Variants in ZNF236 observed in about 807,000 individuals in gnomAD.
ZNF236 encodes regulated by glucose.
A neutral mutation model predicts 191.2 loss-of-function variants in ZNF236; 50 were observed. The observed-to-expected ratio is 0.26, with a 90% CI of 0.21 to 0.33. The LOEUF is 0.33. Ranked by LOEUF, ZNF236 falls within the 10% of genes least tolerant of loss-of-function variation. The pLI is 1.00. For missense variants in ZNF236, 1,754 were observed against 2,374.5 expected, an observed-to-expected ratio of 0.74 and a Z score of 5.43; for synonymous variants, 907 against 928.8, an observed-to-expected ratio of 0.98 and a Z score of 0.43.
intron 19 of ZNF236, among the ~76,000 whole-genome samples, chr18:76,916,092 T>C (rs1967356368): frequency 1.3e-5 from 2 of 152,236 alleles, no homozygotes; most frequent in Admixed American, 1.3e-4. Context: ...ACGCGCTGAA[T>C]TGGCATTCAC....
Position 76,876,440 on chromosome 18 carries a change from T to C in ZNF236, c.840+776T>C, listed in dbSNP as rs908092144. 2.6e-5 allele frequency among the ~76,000 whole-genome samples: 4 copies of C among 152,190 alleles called. No homozygotes were observed. In the East Asian group the frequency reaches 7.7e-4, roughly 29 times the overall value. ...CTTAGAATAATACCTTAACTAACAC[T>C]GAAGTGAACTTAGAGTTAATACTCA... On this transcript the variant is annotated intron_variant, in intron 6 of 30. Coordinates refer to ENST00000320610, the MANE Select transcript of ZNF236 (RefSeq NM_001306089.2).
Position 76,947,589 on chromosome 18 carries a change from A to G in ZNF236, c.4851A>G (p.Gln1617=), listed in dbSNP as rs1315338147. The change falls in exon 27 of 31, where the codon CAA becomes CAG. Residue 1617 remains glutamine, a synonymous_variant. Coordinates refer to ENST00000320610, the MANE Select transcript of ZNF236 (RefSeq NM_001306089.2). The part of the protein sequence containing the change: ...LSGQGGAGSP[Q]VILVSHTPQS... ...GCCAGGGTGGAGCAGGCTCGCCGCA[A>G]GTCATACTAGTGAGCCACACGCCAC... 2.5e-6 allele frequency: 4 copies of G among 1,613,970 alleles called. No homozygotes were observed. Among genetic ancestry groups the G allele is most frequent in the East Asian group, 2.2e-5 (1 of 44,884 alleles).
intron 20 of ZNF236, among the ~76,000 whole-genome samples, chr18:76,921,872 A>G (rs1967546489): frequency 6.8e-6 from 1 of 146,814 alleles, no homozygotes; most frequent in Admixed American, 7.1e-5. Flanking sequence ...TTCTTGTCCT[A>G]TCCTTCATTT....
intron 27 of ZNF236, among the ~76,000 whole-genome samples, chr18:76,952,577 G>C (rs888217368): frequency 1.3e-5 from 2 of 152,158 alleles, no homozygotes; most frequent in African/African-American, 4.8e-5. Flanking sequence ...GGTGATGTCT[G>C]TGCATCCCTG....
At chr18:76,928,725 C>T (rs1261883585) in intron 25 of ZNF236, among the ~76,000 whole-genome samples, 2 of 152,070 alleles carry the variant, frequency 1.3e-5, no homozygotes, top group Admixed American at 6.6e-5. Flanking sequence ...CCTTACGTAT[C>T]ATTAATTCCC....
rs756858019 is a variant in ZNF236 at position 76,851,807 on chromosome 18, T to C, written c.231T>C (p.Phe77=). The change falls in exon 3 of 31, where the codon TTT becomes TTC. Residue 77 remains phenylalanine (F), a synonymous_variant. Coordinates refer to ENST00000320610, the MANE Select transcript of ZNF236 (RefSeq NM_001306089.2). ...PHRCDQCPQT[F]NVEFNLTLHK... Reference sequence around the variant, plus strand: ...GATGTGACCAGTGCCCCCAAACATTTAATGTTGAATTCAACCTGACACTTC... The same window carrying C: ...GATGTGACCAGTGCCCCCAAACATTCAATGTTGAATTCAACCTGACACTTC... The C allele has an allele frequency of 1.2e-6, 2 of 1,613,934 alleles. No homozygotes were observed. Among genetic ancestry groups the C allele is most frequent in the South Asian group, 2.2e-5 (2 of 90,968 alleles).
At chr18:76,923,941 G>A (rs1179218754) in intron 21 of ZNF236, among the ~76,000 whole-genome samples, 1 of 152,186 alleles carries the variant, frequency 6.6e-6, no homozygotes, top group Non-Finnish European at 1.5e-5. Context: ...CAGAGCTGTT[G>A]TTATAATGAT....
At position 76,915,631 on chromosome 18, in the gene ZNF236, G is replaced by C. The variant is rs377028982; in HGVS notation, c.3062-16G>C. On this transcript the variant is annotated splice_polypyrimidine_tract_variant and intron_variant, in intron 18 of 30. Coordinates refer to ENST00000320610, the MANE Select transcript of ZNF236 (RefSeq NM_001306089.2). Reference sequence around the variant, plus strand: ...AGGATTGGTTCCAGCCGTTTTTTCTGTTTCTGTGCTTGCAGGAGTGAAGGC... The same window carrying C: ...AGGATTGGTTCCAGCCGTTTTTTCTCTTTCTGTGCTTGCAGGAGTGAAGGC... 3 of 1,610,466 alleles carry C rather than the reference G, an allele frequency of 1.9e-6. No individual in the cohort carries two copies. In the African/African-American group the frequency reaches 4.0e-5, roughly 22 times the overall value.
chr18:76,891,348 C>T (rs1433001070), intron 9 of ZNF236, among the ~76,000 whole-genome samples: 2 of 152,090 alleles, frequency 1.3e-5, no homozygotes, highest in East Asian at 3.8e-4. Flanking sequence ...GAAAGATAAC[C>T]TCTTCTCTTA....
At chr18:76,850,548 TAGA>T (rs922028668) in intron 2 of ZNF236, among the ~76,000 whole-genome samples, 37 of 152,272 alleles carry the variant, frequency 2.4e-4, no homozygotes, top group African/African-American at 8.2e-4. Context: ...ATCTTAGACC[TAGA>T]TAAGCAAACT....
At chr18:76,963,343 T>C (rs1201042025) in intron 30 of ZNF236, among the ~76,000 whole-genome samples, 10 of 152,244 alleles carry the variant, frequency 6.6e-5, no homozygotes, top group Non-Finnish European at 1.5e-4. Context: ...ATGTGGTTTT[T>C]GTTTTTAATT....
chr18:76,876,544 C>G (rs1299030365), intron 6 of ZNF236, among the ~76,000 whole-genome samples: 1 of 152,076 alleles, frequency 6.6e-6, no homozygotes, highest in Non-Finnish European at 1.5e-5. Context: ...AAAAGAGAAT[C>G]TAAAATGAGA....
At chr18:76,826,626 A>T (rs1173262577) in intron 1 of ZNF236, among the ~76,000 whole-genome samples, 1 of 148,252 alleles carries the variant, frequency 6.7e-6, no homozygotes, top group Non-Finnish European at 1.5e-5. Flanking sequence ...CCCCAGCCGT[A>T]CTAAAAAAAA....
chr18:76,912,618 A>G (rs1343553012), intron 17 of ZNF236, among the ~76,000 whole-genome samples: 2 of 152,206 alleles, frequency 1.3e-5, no homozygotes, highest in Non-Finnish European at 2.9e-5. Flanking sequence ...GCTTCCCGTC[A>G]CTGTTTTAAG....
intron 1 of ZNF236, among the ~76,000 whole-genome samples, chr18:76,845,916 A>G (rs536016231): frequency 1.3e-5 from 2 of 151,890 alleles, no homozygotes; most frequent in African/African-American, 4.8e-5. Flanking sequence ...TCATTTGATC[A>G]CATGTTTCTT....
In ZNF236 at chr18:76,927,386, A is replaced by G. The variant is rs1967731726; in HGVS notation, c.4283A>G (p.Asp1428Gly). ...APQNSSLQTSDSTVPASVVIQ... is the reference protein window; with the variant it reads ...APQNSSLQTSGSTVPASVVIQ... ...CAGAACAGCTCTCTCCAGACATCGG[A>G]CAGCACGGTCCCTGCCAGTGTTGTC... The change falls in exon 24 of 31, where the codon GAC (aspartate) becomes GGC (glycine). Residue 1428 changes from aspartate (D) to glycine (G), a missense_variant. Coordinates refer to ENST00000320610, the MANE Select transcript of ZNF236 (RefSeq NM_001306089.2). The surrounding 1 kb of genome is among the most constrained non-coding windows in gnomAD (Gnocchi z 5.4). The G allele has an allele frequency of 1.2e-6, 2 of 1,614,210 alleles. No homozygotes were observed. Among genetic ancestry groups the G allele is most frequent in the East Asian group, 2.2e-5 (1 of 44,880 alleles).
At position 76,908,504 on chromosome 18, in the gene ZNF236, C is replaced by G. The variant is rs1359155302; in HGVS notation, c.2482C>G (p.His828Asp). The G allele has an allele frequency of 1.2e-5, 19 of 1,613,992 alleles. No homozygotes were observed. Among genetic ancestry groups the G allele is most frequent in the Middle Eastern group, 1.6e-4 (1 of 6,062 alleles). The change falls in exon 14 of 31, where the codon CAT (histidine) becomes GAT (aspartate). Residue 828 changes from histidine (H) to aspartate (D), a missense_variant. Around this residue, in one of 5 missense-constraint regions of ZNF236, gnomAD observed 641 missense variants for 869.6 expected, o/e 0.74. Transcript: ENST00000320610. Reference sequence around the variant, plus strand: ...GGCCATGCTGGACCTGGAGCCTCAGCATGTGGTGGGCACGGAGGAAGCAGG... The same window carrying G: ...GGCCATGCTGGACCTGGAGCCTCAGGATGTGGTGGGCACGGAGGAAGCAGG... ...PEAMLDLEPQ[H>D]VVGTEEAGLG...
intron 3 of ZNF236, 140 bp downstream of exon 3, chr18:76,852,079 C>T (rs1038781105): frequency 3.1e-5 from 26 of 845,202 alleles, no homozygotes; most frequent in African/African-American, 1.7e-4. Context: ...ATTAGATTTG[C>T]CTTGACACCA....
intron 3 of ZNF236, among the ~76,000 whole-genome samples, chr18:76,854,302 A>G (rs1447977328): frequency 6.6e-6 from 1 of 152,176 alleles, no homozygotes; most frequent in East Asian, 1.9e-4. Flanking sequence ...TTAATAGTTT[A>G]TGTTTAAAAT....
Sources: gnomAD v4.1 joint callset for allele counts (sites outside exome capture counted in the v4.1 genomes callset) on GRCh38, gnomAD v4.1.1 for gene constraint, gnomAD v4.1.1 regional missense constraint, Gnocchi (gnomAD v3.1) non-coding constraint, MANE v1.5 for transcripts, NCBI Gene and HGNC (gene_info 2026-07-23, HGNC 2026-07-21) for gene names.